The following CENPF variants were observed in gnomAD, a reference collection of about 807,000 sequenced individuals.
CENPF encodes the protein AH antigen.
Under a neutral mutation model 307.3 loss-of-function variants are expected in CENPF, and 214 were observed. The ratio of observed to expected loss-of-function variants is 0.70; its 90% CI spans 0.62 to 0.78. The LOEUF is 0.78. CENPF is among the 30% of genes least tolerant of loss of function. CENPF has a pLI of 0.00. For missense variants in CENPF, 3,401 were observed against 3,483.9 expected (o/e 0.98, Z 0.60); for synonymous variants, 1,259 against 1,270.6 (o/e 0.99, Z 0.19).
Position 214,642,553 on chromosome 1 carries a change from C to G in CENPF, c.4215C>G (p.Ala1405=). ...LSDKEVQMHF[A]ELQEKFLSLQ... ...ACAAAGAAGTTCAAATGCACTTTGC[C>G]GAATTGCAAGAGAAATTCTTATCTT... Residue 1405 remains alanine (A), a synonymous_variant, in exon 12 of 20, where the codon GCC becomes GCG. Transcript: ENST00000366955. 1 of 1,611,194 alleles carries G rather than the reference C, an allele frequency of 6.2e-7. No homozygotes were observed. The highest frequency in any genetic ancestry group is 8.5e-7 in the Non-Finnish European group (1 of 1,178,758).
intron 9 of CENPF, among the ~76,000 whole-genome samples, chr1:214,631,164 T>C (rs1005687667): frequency 6.6e-6 from 1 of 152,212 alleles, no homozygotes; most frequent in African/African-American, 2.4e-5. Flanking sequence ...ATGCTAAGAA[T>C]TGAACTCTAG....
intron 9 of CENPF, among the ~76,000 whole-genome samples, chr1:214,631,645 G>A (rs1182879663): frequency 5.3e-5 from 8 of 152,070 alleles, no homozygotes; most frequent in Admixed American, 6.5e-5. Flanking sequence ...GATTACAGGC[G>A]CCTGCCACCA....
At position 214,620,829 on chromosome 1, in the gene CENPF, C is replaced by CAAG; in HGVS notation, c.750_752dup (p.Glu251dup). On this transcript the variant is annotated inframe_insertion, in exon 6 of 20. Transcript: ENST00000366955. ...CTCTGCATCTTACTTTTCTGGGGAACAAGAGGTGACTCCAAGTCGATCAAC... is the reference window on the plus strand; with the variant it reads ...CTCTGCATCTTACTTTTCTGGGGAACAAGAAGAGGTGACTCCAAGTCGATCAAC... 6.2e-7 allele frequency: 1 copy of CAAG among 1,614,146 alleles called. No homozygotes were observed. The highest frequency in any genetic ancestry group is 8.5e-7 in the Non-Finnish European group (1 of 1,180,012).
chr1:214,648,879 A>C, intron 14 of CENPF, 52 bp downstream of exon 14: 1 of 1,561,828 alleles, frequency 6.4e-7, no homozygotes, highest in Non-Finnish European at 8.7e-7. Flanking sequence ...CATTGTGCAC[A>C]CTCTCCTTAT....
intron 7 of CENPF, among the ~76,000 whole-genome samples, chr1:214,628,166 A>G (rs780930455): frequency 2.6e-5 from 4 of 152,226 alleles, no homozygotes; most frequent in Middle Eastern, 3.2e-3. Flanking sequence ...CCTAGTGGTC[A>G]TATACTCTTA....
At chr1:214,621,009 A>G in intron 6 of CENPF, 63 bp downstream of exon 6, 1 of 1,473,092 alleles carries the variant, frequency 6.8e-7, no homozygotes, top group Middle Eastern at 1.9e-4. Flanking sequence ...AGGTGATTTC[A>G]GATATTTTTA....
chr1:214,647,262 A>G lies in CENPF; in HGVS notation c.7692A>G (p.Glu2564=). 6.2e-7 allele frequency: 1 copy of G among 1,614,122 alleles called. No individual in the cohort carries two copies. The highest frequency in any genetic ancestry group is 8.5e-7 in the Non-Finnish European group (1 of 1,179,964). ...TAGAACTGAGAAATCTGACAGTGGA[A>G]TTGGAGCAGAAGATCCAAGTGCTAC... ...QNLELRNLTV[E]LEQKIQVLQS... is the part of the protein sequence containing the mutation. The change falls in exon 13 of 20, where the codon GAA becomes GAG. Residue 2564 remains glutamate, a synonymous_variant. Coordinates refer to ENST00000366955, the MANE Select transcript of CENPF (RefSeq NM_016343.4).
At chr1:214,621,452 T>C (rs1190599465) in intron 6 of CENPF, among the ~76,000 whole-genome samples, 1 of 152,254 alleles carries the variant, frequency 6.6e-6, no homozygotes, top group Non-Finnish European at 1.5e-5. Context: ...TGGAATCTAC[T>C]CTGTAGAAGA....
chr1:214,608,010 C>T (rs571165371), intron 1 of CENPF, among the ~76,000 whole-genome samples: 57 of 152,346 alleles, frequency 3.7e-4, no homozygotes, highest in African/African-American at 1.3e-3. Flanking sequence ...CACTCCCTCC[C>T]GCCGGGTGGC....
At chr1:214,606,230 C>G (rs995751649) in intron 1 of CENPF, among the ~76,000 whole-genome samples, 5 of 152,172 alleles carry the variant, frequency 3.3e-5, no homozygotes, top group African/African-American at 1.2e-4. Flanking sequence ...ACACCAGTCC[C>G]GAGGGCCACC....
At chr1:214,638,978 A>T (rs925614093) in intron 11 of CENPF, among the ~76,000 whole-genome samples, 37 of 152,236 alleles carry the variant, frequency 2.4e-4, no homozygotes, top group African/African-American at 8.4e-4. Flanking sequence ...TGCTCACAGC[A>T]AAGTGGGATG....
intron 3 of CENPF, among the ~76,000 whole-genome samples, chr1:214,617,731 TG>T (rs1206454860): frequency 1.3e-5 from 2 of 152,260 alleles, no homozygotes; most frequent in Non-Finnish European, 2.9e-5. Context: ...TTGAAATAAC[TG>T]ACTAACCTAA....
Position 214,630,581 on chromosome 1 carries a change from C to T in CENPF, c.1242C>T (p.Cys414=). 6.2e-7 allele frequency: 1 copy of T among 1,614,156 alleles called. No individual in the cohort carries two copies. The highest frequency in any genetic ancestry group is 8.5e-7 in the Non-Finnish European group (1 of 1,180,018). Reference sequence around the variant, plus strand: ...CTTTCCAAACACTGGACCAGGAGTGCATCCAGATGAAGGCCAGACTCACCC... The same window carrying T: ...CTTTCCAAACACTGGACCAGGAGTGTATCCAGATGAAGGCCAGACTCACCC... ...QRSFQTLDQE[C]IQMKARLTQE... Residue 414 remains cysteine, a synonymous_variant, in exon 9 of 20, where the codon TGC becomes TGT. Transcript: ENST00000366955.
At chr1:214,627,719 C>A (rs1657694869) in intron 7 of CENPF, among the ~76,000 whole-genome samples, 1 of 152,042 alleles carries the variant, frequency 6.6e-6, no homozygotes, top group South Asian at 2.1e-4. Context: ...TTTTTGGGTT[C>A]TTTTTTTCCT....
intron 2 of CENPF, among the ~76,000 whole-genome samples, chr1:214,614,219 T>A (rs1428260782): frequency 6.6e-6 from 1 of 151,994 alleles, no homozygotes; most frequent in Admixed American, 6.6e-5. Context: ...CATTTCAACT[T>A]CCATGTGGGA....
chr1:214,621,129 T>C (rs1180217385), intron 6 of CENPF, among the ~76,000 whole-genome samples, 183 bp downstream of exon 6: 2 of 152,192 alleles, frequency 1.3e-5, no homozygotes, highest in Non-Finnish European at 2.9e-5. Context: ...ATCATAGTGT[T>C]GGAATGTAGT....
chr1:214,650,915 C>A (rs774805386), intron 14 of CENPF, among the ~76,000 whole-genome samples: 1 of 152,012 alleles, frequency 6.6e-6, no homozygotes, highest in African/African-American at 2.4e-5. Flanking sequence ...AACCAACCAA[C>A]CAAACAACAA....
At chr1:214,650,322 A>G (rs1658427709) in intron 14 of CENPF, among the ~76,000 whole-genome samples, 1 of 136,830 alleles carries the variant, frequency 7.3e-6, no homozygotes, top group Non-Finnish European at 1.6e-5. Flanking sequence ...GGAAAATGAC[A>G]TGCACAAAGA....
intron 17 of CENPF, among the ~76,000 whole-genome samples, chr1:214,656,060 T>C (rs1472789581): frequency 1.3e-5 from 2 of 152,198 alleles, no homozygotes; most frequent in African/African-American, 4.8e-5. Flanking sequence ...GCTTTGGTAA[T>C]TTATAAATAG....
Sources: gnomAD v4.1 joint callset for allele counts (sites outside exome capture counted in the v4.1 genomes callset) on GRCh38, gnomAD v4.1.1 for gene constraint, MANE v1.5 for transcripts, NCBI Gene and HGNC (gene_info 2026-07-23, HGNC 2026-07-21) for gene names.